Variants in SLC39A11 observed in about 807,000 individuals in gnomAD.
The protein encoded by SLC39A11 is zinc transporter ZIP11.
Under a neutral mutation model 36.1 loss-of-function variants are expected in SLC39A11, and 33 were observed. The observed-to-expected ratio is 0.91, with a 90% CI of 0.69 to 1.22. SLC39A11 has a LOEUF of 1.22. Ranked by LOEUF, SLC39A11 falls within the 50% of genes most tolerant of loss-of-function variation. The probability of loss-of-function intolerance (pLI) is 0.00; values close to 1 mark genes in which losing one functional copy is unlikely to be tolerated. For synonymous variants in SLC39A11, 166 were observed against 170.3 expected (o/e 0.97, Z 0.20); for missense variants, 432 against 430.3 (o/e 1.00, Z -0.03).
rs1280728048 is a variant in SLC39A11 at position 72,849,847 on chromosome 17, C to T, written c.431-43G>A. 6 of 1,485,574 alleles carry T rather than the reference C, an allele frequency of 4.0e-6. No homozygotes were observed. In the East Asian group the frequency reaches 1.4e-4, roughly 35 times the overall value. The allele number at this position is 1,485,574 out of a possible 1,614,324, so 92.0% of individuals were successfully genotyped here. A position where few individuals can be genotyped will look rare whatever the true frequency, so the allele number is the denominator to read the frequency against. Reference sequence around the variant, plus strand: ...AAAAGAGAGATGGGGAAAGACAGCGCTTTGAACATGTGCACGTTAACTCTC... The same window carrying T: ...AAAAGAGAGATGGGGAAAGACAGCGTTTTGAACATGTGCACGTTAACTCTC... On this transcript the variant is annotated intron_variant, in intron 5 of 9. Coordinates refer to ENST00000255559, the MANE Select transcript of SLC39A11 (RefSeq NM_139177.4).
intron 5 of SLC39A11, among the ~76,000 whole-genome samples, chr17:72,943,719 T>C (rs931734037): frequency 6.6e-6 from 1 of 152,212 alleles, no homozygotes; most frequent in African/African-American, 2.4e-5. Flanking sequence ...CACAAAATGA[T>C]AGGCAATTCT....
chr17:73,024,991 T>C (rs2058484859), intron 4 of SLC39A11, among the ~76,000 whole-genome samples: 1 of 151,386 alleles, frequency 6.6e-6, no homozygotes, highest in Non-Finnish European at 1.5e-5. Context: ...GCTGAGATTA[T>C]AGGCATGAGC....
intron 5 of SLC39A11, among the ~76,000 whole-genome samples, chr17:72,900,637 G>A (rs2082347168): frequency 6.7e-6 from 1 of 150,030 alleles, no homozygotes; most frequent in Admixed American, 6.7e-5. Context: ...GAAAGAGTGG[G>A]GGCAAAGGGA....
At chr17:72,972,212 T>C (rs2087507856) in intron 4 of SLC39A11, among the ~76,000 whole-genome samples, 1 of 152,154 alleles carries the variant, frequency 6.6e-6, no homozygotes, top group African/African-American at 2.4e-5. Flanking sequence ...TGTTACCGCT[T>C]TCTCCCTTCC....
At chr17:72,694,855 C>G (rs575707563) in intron 7 of SLC39A11, among the ~76,000 whole-genome samples, 1 of 152,344 alleles carries the variant, frequency 6.6e-6, no homozygotes, top group African/African-American at 2.4e-5. Context: ...ACTGGAGATG[C>G]TGGTGGCCTC....
At chr17:72,662,913 C>G (rs2070540366) in intron 7 of SLC39A11, among the ~76,000 whole-genome samples, 1 of 152,178 alleles carries the variant, frequency 6.6e-6, no homozygotes, top group African/African-American at 2.4e-5. Context: ...AACTGGAAAC[C>G]ATGCAAGTGC....
intron 6 of SLC39A11, among the ~76,000 whole-genome samples, chr17:72,834,194 C>G (rs2078412924): frequency 1.3e-5 from 2 of 152,180 alleles, no homozygotes; most frequent in Non-Finnish European, 2.9e-5. Context: ...ACAGTAGCCA[C>G]TAGATACAAG....
At chr17:72,984,390 A>C (rs1037152251) in intron 4 of SLC39A11, among the ~76,000 whole-genome samples, 1 of 152,044 alleles carries the variant, frequency 6.6e-6, no homozygotes, top group Non-Finnish European at 1.5e-5. Context: ...AAAAAAAAAA[A>C]AAAGAAAGAA....
chr17:72,936,600 C>G (rs2084778009), intron 5 of SLC39A11, among the ~76,000 whole-genome samples: 1 of 152,010 alleles, frequency 6.6e-6, no homozygotes, highest in African/African-American at 2.4e-5. Context: ...AAAAACCAAA[C>G]CTCAAACTCT....
chr17:73,052,124 C>T lies in SLC39A11; in HGVS notation c.148-20410G>A, dbSNP rs532315741. On this transcript the variant is annotated intron_variant, in intron 3 of 9. Transcript: ENST00000255559. Reference sequence around the variant, plus strand: ...TAATACAAGGTGCCCCGTTTTTTACCGAGTGTTAAGTGCAAGCCCCCCAGT... The same window carrying T: ...TAATACAAGGTGCCCCGTTTTTTACTGAGTGTTAAGTGCAAGCCCCCCAGT... 8.1e-4 allele frequency among the ~76,000 whole-genome samples: 123 copies of T among 151,580 alleles called. 1 individual carries two copies. Among genetic ancestry groups the T allele is most frequent in the Non-Finnish European group, 1.5e-3 (103 of 67,922 alleles).
intron 5 of SLC39A11, among the ~76,000 whole-genome samples, chr17:72,896,447 C>T (rs554085440): frequency 6.6e-6 from 1 of 151,888 alleles, no homozygotes; most frequent in African/African-American, 2.4e-5. Context: ...AGTGATCTGC[C>T]CGCCTCAGCC....
chr17:73,036,174 A>G (rs938943962), intron 3 of SLC39A11, among the ~76,000 whole-genome samples: 2 of 152,240 alleles, frequency 1.3e-5, no homozygotes, highest in African/African-American at 4.8e-5. Context: ...AAGCCACTAC[A>G]TTCATGGTAG....
chr17:72,978,133 TC>T (rs1293155849), intron 4 of SLC39A11, among the ~76,000 whole-genome samples: 1 of 152,260 alleles, frequency 6.6e-6, no homozygotes, highest in East Asian at 1.9e-4. Flanking sequence ...ATCTGGGCTG[TC>T]GTCTGGGCCC....
intron 4 of SLC39A11, among the ~76,000 whole-genome samples, chr17:73,005,282 C>T (rs978862428): frequency 2.0e-5 from 3 of 152,142 alleles, no homozygotes; most frequent in African/African-American, 7.2e-5. Flanking sequence ...CCGGCCCACA[C>T]ACACAACGTT....
chr17:72,841,136 C>T (rs1278558659), intron 6 of SLC39A11, among the ~76,000 whole-genome samples: 1 of 152,196 alleles, frequency 6.6e-6, no homozygotes. Flanking sequence ...GTACCCAATG[C>T]ACCAGTTCTT....
chr17:72,882,435 C>T (rs981414721), intron 5 of SLC39A11, among the ~76,000 whole-genome samples: 5 of 151,272 alleles, frequency 3.3e-5, no homozygotes, highest in East Asian at 1.9e-4. Context: ...ATCCAAGACA[C>T]GGAGAAGAGA....
chr17:72,662,362 G>A (rs1032063637), intron 7 of SLC39A11, among the ~76,000 whole-genome samples: 10 of 143,608 alleles, frequency 7.0e-5, no homozygotes, highest in African/African-American at 2.3e-4. Flanking sequence ...AGAAAGAAAA[G>A]GAAGGGAAGG....
chr17:73,005,260 G>A (rs546147856), intron 4 of SLC39A11, among the ~76,000 whole-genome samples: 2 of 152,274 alleles, frequency 1.3e-5, no homozygotes, highest in South Asian at 2.1e-4. Flanking sequence ...TTACAGGCGT[G>A]AGCCACCGTG....
At chr17:72,799,498 A>G (rs2077012152) in intron 6 of SLC39A11, among the ~76,000 whole-genome samples, 1 of 152,194 alleles carries the variant, frequency 6.6e-6, no homozygotes, top group Admixed American at 6.5e-5. Context: ...ACGTGCAAGT[A>G]GGGAAGATAT....
Sources: allele counts gnomAD v4.1 joint callset (sites outside exome capture counted in the v4.1 genomes callset), GRCh38; gene constraint gnomAD v4.1.1; transcripts MANE v1.5; gene names NCBI Gene and HGNC (gene_info 2026-07-23, HGNC 2026-07-21).